The following NAV3 variants were observed in gnomAD, a reference collection of about 807,000 sequenced individuals.
The protein encoded by NAV3 is neuron navigator 3.
Under a neutral mutation model 244.7 loss-of-function variants are expected in NAV3, and 87 were observed. The ratio of observed to expected loss-of-function variants is 0.36; its 90% CI spans 0.30 to 0.42. The LOEUF (loss-of-function observed/expected upper bound fraction) is 0.42, where lower values mean the gene tolerates loss of function less well. NAV3 is among the 20% of genes least tolerant of loss of function. The pLI is 1.00. For missense variants in NAV3, 2,663 were observed against 2,893.3 expected (o/e 0.92, Z 1.83); for synonymous variants, 1,126 against 1,042.2 (o/e 1.08, Z -1.55).
At chr12:78,051,741 C>G (rs941366870) in intron 11 of NAV3, among the ~76,000 whole-genome samples, 1 of 152,100 alleles carries the variant, frequency 6.6e-6, no homozygotes, top group Non-Finnish European at 1.5e-5. Flanking sequence ...AGTATATTAA[C>G]AATTTGGGAT....
chr12:77,809,172 G>A (rs1023681290), intron 2 of NAV3, among the ~76,000 whole-genome samples: 7 of 152,154 alleles, frequency 4.6e-5, no homozygotes, highest in Admixed American at 3.3e-4. Flanking sequence ...CCCTTTCCAG[G>A]GGATTGAACT....
At chr12:77,652,734 T>TTAGTAAAATAA (rs1872883604) in intron 2 of NAV3, among the ~76,000 whole-genome samples, 1 of 152,200 alleles carries the variant, frequency 6.6e-6, no homozygotes, top group South Asian at 2.1e-4. Flanking sequence ...AGATCCATCT[T>TTAGTAAAATAA]TAGTAAAATA....
intron 2 of NAV3, among the ~76,000 whole-genome samples, chr12:77,671,748 C>G (rs1024453338): frequency 1.3e-5 from 2 of 152,016 alleles, no homozygotes; most frequent in Non-Finnish European, 2.9e-5. Flanking sequence ...TCAGCTTATA[C>G]AAAAATTGAC....
intron 2 of NAV3, among the ~76,000 whole-genome samples, chr12:77,713,931 A>T (rs934123505): frequency 6.6e-6 from 1 of 152,166 alleles, no homozygotes; most frequent in Non-Finnish European, 1.5e-5. Flanking sequence ...TTATGTGCCC[A>T]ATAAACATTA....
intron 2 of NAV3, among the ~76,000 whole-genome samples, chr12:77,716,010 C>A (rs942344119): frequency 1.3e-5 from 2 of 151,994 alleles, no homozygotes; most frequent in African/African-American, 4.8e-5. Flanking sequence ...TCATTTACTT[C>A]TCTTGTAACA....
chr12:78,187,869 A>C (rs1212117305), intron 31 of NAV3, among the ~76,000 whole-genome samples: 1 of 151,844 alleles, frequency 6.6e-6, no homozygotes, highest in East Asian at 1.9e-4. Context: ...CTCTCTCACC[A>C]TTTCCCTCCT....
At chr12:78,190,363 T>A (rs933848209) in intron 34 of NAV3, 144 bp downstream of exon 34, 1 of 675,154 alleles carries the variant, frequency 1.5e-6, no homozygotes, top group Non-Finnish European at 2.5e-6. Context: ...ACCTGGTGAG[T>A]GATCAAACTC....
intron 34 of NAV3, among the ~76,000 whole-genome samples, chr12:78,191,064 G>A (rs1197233049): frequency 6.6e-6 from 1 of 152,000 alleles, no homozygotes; most frequent in African/African-American, 2.4e-5. Context: ...CTCTTTCAAG[G>A]ATAACCTGGT....
At chr12:77,959,910 G>A (rs1241228588) in intron 3 of NAV3, among the ~76,000 whole-genome samples, 8 of 13,504 alleles carry the variant, frequency 5.9e-4, no homozygotes, top group African/African-American at 7.8e-4. Context: ...TCCCTGACCC[G>A]ACAAAAAAAA....
intron 12 of NAV3, among the ~76,000 whole-genome samples, chr12:78,112,757 C>T (rs993386686): frequency 6.6e-6 from 1 of 152,134 alleles, no homozygotes. Context: ...TCCCAAATCT[C>T]GTGTTCTCAC....
chr12:78,188,204 A>T, intron 31 of NAV3, 44 bp from the exon 32 acceptor site: 1 of 1,376,262 alleles, frequency 7.3e-7, no homozygotes, highest in Non-Finnish European at 1.0e-6. Flanking sequence ...AATAAAAAAG[A>T]TACACGGTTG....
chr12:77,831,643 C>T lies in NAV3; in HGVS notation c.182C>T (p.Thr61Ile), dbSNP rs369769949. Residue 61 changes from threonine (T) to isoleucine (I), a missense_variant, in exon 1 of 40, where the codon ACC (threonine) becomes ATC (isoleucine). Physicochemically the swap from Thr to Ile is moderately conservative, Grantham distance 89. Transcript: ENST00000397909. ...TCTTGTCAGCTTGCGTTAAAATCAA[C>T]CTGTGAATTTGGAGAGAAGAAACCC... ...MLSCQLALKSTCEFGEKKPLQ... is the reference protein window; with the variant it reads ...MLSCQLALKSICEFGEKKPLQ... The T allele has an allele frequency of 6.2e-7, 1 of 1,613,934 alleles. No individual in the cohort carries two copies. Among genetic ancestry groups the T allele is most frequent in the East Asian group, 2.2e-5 (1 of 44,858 alleles).
intron 9 of NAV3, among the ~76,000 whole-genome samples, chr12:78,034,428 T>A (rs1439861041): frequency 6.6e-6 from 1 of 152,234 alleles, no homozygotes; most frequent in African/African-American, 2.4e-5. Context: ...TGAGCAGTTA[T>A]GTGGCTGGGG....
chr12:78,065,876 A>G (rs1884959153), intron 12 of NAV3, among the ~76,000 whole-genome samples: 1 of 152,142 alleles, frequency 6.6e-6, no homozygotes, highest in South Asian at 2.1e-4. Context: ...CAGAGAGTGA[A>G]TTCCTAGACA....
At chr12:77,694,517 T>C (rs1459408697) in intron 2 of NAV3, among the ~76,000 whole-genome samples, 2 of 151,120 alleles carry the variant, frequency 1.3e-5, no homozygotes, top group African/African-American at 4.9e-5. Context: ...TTTGAAGCTA[T>C]AACATTTAAT....
intron 2 of NAV3, among the ~76,000 whole-genome samples, chr12:77,670,969 A>G (rs1801621621): frequency 6.6e-6 from 1 of 152,144 alleles, no homozygotes; most frequent in Non-Finnish European, 1.5e-5. Flanking sequence ...AATAAAGGAC[A>G]TCCAGATAAG....
chr12:78,202,913 T>C (rs1959874094), intron 38 of NAV3, among the ~76,000 whole-genome samples: 1 of 152,074 alleles, frequency 6.6e-6, no homozygotes. Context: ...GAATCTTGGA[T>C]TGGAGAAAGA....
chr12:77,573,316 T>G (rs945240007), intron 2 of NAV3, among the ~76,000 whole-genome samples: 2 of 152,160 alleles, frequency 1.3e-5, no homozygotes, highest in East Asian at 3.9e-4. Context: ...GTTTTGCCAA[T>G]ATAATTAATG....
chr12:77,608,965 A>G (rs1341100248), intron 2 of NAV3, among the ~76,000 whole-genome samples: 3 of 152,080 alleles, frequency 2.0e-5, no homozygotes, highest in East Asian at 1.9e-4. Flanking sequence ...TCCTGAAAAC[A>G]TATTTTTAAT....
Sources: allele counts gnomAD v4.1 joint callset (sites outside exome capture counted in the v4.1 genomes callset), GRCh38; gene constraint gnomAD v4.1.1; transcripts MANE v1.5; gene names NCBI Gene and HGNC (gene_info 2026-07-23, HGNC 2026-07-21).